Variants in PTPN2 observed in about 807,000 individuals in gnomAD.
PTPN2 encodes protein tyrosine phosphatase non-receptor type 2.
PTPN2 carries 19 observed loss-of-function variants against 57.3 expected under a neutral mutation model. That is an observed-to-expected ratio of 0.33 (90% CI 0.23 to 0.49). PTPN2 has a LOEUF of 0.49. Among genes scored for constraint, PTPN2 ranks in the 20% least tolerant of loss-of-function variants. The pLI is 0.99. For missense variants in PTPN2, 358 were observed against 501.1 expected, an observed-to-expected ratio of 0.71 and a Z score of 2.73; for synonymous variants, 153 against 164.9, an observed-to-expected ratio of 0.93 and a Z score of 0.55.
rs1349699057 is a variant in PTPN2, at chr18:12,884,206, TC to T, written c.-66del. The stretch of plus-strand genomic sequence containing the variant: ...GCGGAGAGGCTCAGGCCCCGCACGA[TC>T]CGGGGAGAGCGCTGGCGCTGCGGCG... On this transcript the variant is annotated 5_prime_UTR_variant, in exon 1 of 9. An upstream open reading frame in the 5' UTR loses its in-frame stop. Coordinates refer to ENST00000309660, the MANE Select transcript of PTPN2 (RefSeq NM_002828.4). The T allele has an allele frequency of 9.7e-6, 13 of 1,339,788 alleles. No homozygotes were observed. The highest frequency in any genetic ancestry group is 1.2e-5 in the Non-Finnish European group (12 of 997,472). The allele number at this position is 1,339,788 out of a possible 1,614,324, so 83.0% of individuals were successfully genotyped here. A position where few individuals can be genotyped will look rare whatever the true frequency, so the allele number is the denominator to read the frequency against.
chr18:12,801,834 G>A (rs1568084735), intron 8 of PTPN2, 136 bp downstream of exon 8: 4 of 883,054 alleles, frequency 4.5e-6, no homozygotes. Context: ...CTCCCAAAGT[G>A]TTGAGATTAC....
intron 8 of PTPN2, 188 bp downstream of exon 8, chr18:12,801,782 T>C: frequency 1.7e-6 from 1 of 601,384 alleles, no homozygotes; most frequent in Admixed American, 2.7e-5. Flanking sequence ...TTGCCCAGGC[T>C]GGTTTCAAAC....
chr18:12,875,785 G>A (rs1217960219), intron 1 of PTPN2, among the ~76,000 whole-genome samples: 1 of 152,232 alleles, frequency 6.6e-6, no homozygotes, highest in South Asian at 2.1e-4. Context: ...AAGAAGGGGA[G>A]TAGAGAGTGG....
At chr18:12,883,642 G>C (rs1452228695) in intron 1 of PTPN2, 1 of 154,978 alleles carries the variant, frequency 6.5e-6, no homozygotes, top group Non-Finnish European at 1.4e-5. Context: ...CCCGGCCAGA[G>C]AAAGAGCTGT....
intron 1 of PTPN2, among the ~76,000 whole-genome samples, chr18:12,865,438 T>TAA (rs376422275): frequency 3.1e-5 from 4 of 129,512 alleles, no homozygotes; most frequent in South Asian, 5.0e-4. Context: ...CTGTCTTTAT[T>TAA]AAAAAAAAAA....
At chr18:12,868,778 C>T (rs1476664847) in intron 1 of PTPN2, among the ~76,000 whole-genome samples, 1 of 149,036 alleles carries the variant, frequency 6.7e-6, no homozygotes, top group Non-Finnish European at 1.5e-5. Context: ...GCTGGGATTA[C>T]AGGCGTGAGC....
intron 5 of PTPN2, among the ~76,000 whole-genome samples, chr18:12,824,624 T>G (rs909823320): frequency 6.6e-6 from 1 of 152,216 alleles, no homozygotes; most frequent in Non-Finnish European, 1.5e-5. Context: ...TCTCATTTCA[T>G]TATTTTCTAG....
At chr18:12,840,110 A>G (rs1430728439) in intron 2 of PTPN2, among the ~76,000 whole-genome samples, 1 of 152,222 alleles carries the variant, frequency 6.6e-6, no homozygotes, top group Non-Finnish European at 1.5e-5. Flanking sequence ...AGCATCCTTA[A>G]CTTACAAGTC....
chr18:12,790,192 G>A (rs1480878756), downstream of PTPN2, among the ~76,000 whole-genome samples: 1 of 152,080 alleles, frequency 6.6e-6, no homozygotes, highest in Non-Finnish European at 1.5e-5. Flanking sequence ...CCAAAGTTCT[G>A]GGAATACAGG....
intron 1 of PTPN2, among the ~76,000 whole-genome samples, chr18:12,859,547 T>A (rs1042443442): frequency 6.6e-6 from 1 of 152,200 alleles, no homozygotes; most frequent in Non-Finnish European, 1.5e-5. Flanking sequence ...GATGCCAAAG[T>A]CTGTGCTCTA....
chr18:12,803,859 G>A (rs796437962), intron 7 of PTPN2, among the ~76,000 whole-genome samples: 47 of 152,182 alleles, frequency 3.1e-4, no homozygotes, highest in African/African-American at 1.1e-3. Flanking sequence ...GATTTAAACT[G>A]CACTCTAGGC....
At chr18:12,814,178 G>T (rs2041986772) in intron 7 of PTPN2, 25 bp downstream of exon 7, 1 of 1,501,220 alleles carries the variant, frequency 6.7e-7, no homozygotes, top group Non-Finnish European at 9.1e-7. Context: ...AAATAGATAT[G>T]ATTTAAAACC....
At chr18:12,874,719 C>G (rs1321964592) in intron 1 of PTPN2, among the ~76,000 whole-genome samples, 2 of 151,402 alleles carry the variant, frequency 1.3e-5, no homozygotes, top group Non-Finnish European at 3.0e-5. Context: ...GCCGCCCCAC[C>G]CGGGAGGTGA....
rs73404482 is a variant in PTPN2, at chr18:12,853,808, G to C, written c.160+5356C>G. Among the ~76,000 whole-genome samples, 1,346 of 152,142 alleles carry C rather than the reference G, an allele frequency of 8.8e-3. 28 individuals carry two copies. The highest frequency in any genetic ancestry group is 0.031 in the African/African-American group (1,303 of 41,482). ...AAAGATTTAGAGAGGTGTGTAAAGG[G>C]GTCAATCTCCAAAAAGCCCAGTATG... is the stretch of plus-strand genomic sequence containing the variant. On this transcript the variant is annotated intron_variant, in intron 2 of 8. Coordinates refer to ENST00000309660, the MANE Select transcript of PTPN2 (RefSeq NM_002828.4).
intron 4 of PTPN2, among the ~76,000 whole-genome samples, chr18:12,829,483 C>A (rs1207712433): frequency 7.9e-6 from 1 of 126,688 alleles, no homozygotes; most frequent in Non-Finnish European, 1.6e-5. Flanking sequence ...CCAGCCTGGG[C>A]AACAGGCGAG....
At chr18:12,838,917 GAAGA>G (rs2042957769) in intron 2 of PTPN2, among the ~76,000 whole-genome samples, 1 of 150,886 alleles carries the variant, frequency 6.6e-6, no homozygotes, top group South Asian at 2.1e-4. Context: ...ATTTAAAAAG[GAAGA>G]AATATTAAAG....
At chr18:12,843,061 G>A (rs1299630122) in intron 2 of PTPN2, among the ~76,000 whole-genome samples, 1 of 152,180 alleles carries the variant, frequency 6.6e-6, no homozygotes, top group Non-Finnish European at 1.5e-5. Context: ...CGACGCAGAT[G>A]AAAAACATGG....
intron 2 of PTPN2, chr18:12,844,076 G>A (rs934446163): frequency 2.0e-5 from 3 of 152,214 alleles, no homozygotes; most frequent in African/African-American, 7.2e-5. Context: ...TTTTCACCCA[G>A]CGTAAGTCCT....
chr18:12,817,014 T>C (rs1467788671), intron 6 of PTPN2, 142 bp downstream of exon 6: 1 of 748,740 alleles, frequency 1.3e-6, no homozygotes, highest in African/African-American at 1.8e-5. Context: ...GGAAATGAGA[T>C]TTTTAGGTTT....
Sources: gnomAD v4.1 joint callset for allele counts (sites outside exome capture counted in the v4.1 genomes callset) on GRCh38, gnomAD v4.1.1 for gene constraint, MANE v1.5 for transcripts, NCBI Gene and HGNC (gene_info 2026-07-23, HGNC 2026-07-21) for gene names.